Variants in PBX3 observed in about 807,000 individuals in gnomAD.
PBX3 encodes the protein PBX homeobox 3, also known as pre-B-cell leukemia transcription factor 3.
Under a neutral mutation model 48.5 loss-of-function variants are expected in PBX3, and 14 were observed. That is an observed-to-expected ratio of 0.29 (90% CI 0.19 to 0.45). The LOEUF (loss-of-function observed/expected upper bound fraction) is 0.45. Ranked by LOEUF, PBX3 falls within the 20% of genes least tolerant of loss-of-function variation. The pLI, the probability that PBX3 is intolerant of heterozygous loss-of-function variation, is 1.00. For synonymous variants in PBX3, 210 were observed against 200.3 expected, an observed-to-expected ratio of 1.05 and a Z score of -0.41; for missense variants, 386 against 546.7, an observed-to-expected ratio of 0.71 and a Z score of 2.93.
chr9:125,933,240 A>T (rs535902166), intron 4 of PBX3, among the ~76,000 whole-genome samples: 1 of 152,112 alleles, frequency 6.6e-6, no homozygotes, highest in Non-Finnish European at 1.5e-5. Context: ...TCCCTTGCTC[A>T]CTCTGACTTC....
chr9:125,755,988 A>G (rs1274890406), intron 2 of PBX3, among the ~76,000 whole-genome samples: 1 of 152,042 alleles, frequency 6.6e-6, no homozygotes, highest in Non-Finnish European at 1.5e-5. Flanking sequence ...TCAGAAGTGT[A>G]AACTTCTGTG....
At chr9:125,772,929 A>G (rs139639013) in intron 2 of PBX3, among the ~76,000 whole-genome samples, 1 of 152,298 alleles carries the variant, frequency 6.6e-6, no homozygotes, top group Non-Finnish European at 1.5e-5. Flanking sequence ...AAAGAGTGAT[A>G]TATGTGGATA....
chr9:125,837,345 G>T (rs1043179404), intron 2 of PBX3, among the ~76,000 whole-genome samples: 7 of 150,470 alleles, frequency 4.7e-5, no homozygotes, highest in African/African-American at 1.7e-4. Context: ...TACTTATTTT[G>T]TGTGTGTATA....
chr9:125,776,294 A>G (rs1837068632), intron 2 of PBX3, among the ~76,000 whole-genome samples: 1 of 151,864 alleles, frequency 6.6e-6, no homozygotes, highest in South Asian at 2.1e-4. Flanking sequence ...GAGTGTTTTT[A>G]TCATGAAAAG....
chr9:125,785,423 C>T (rs1012007503), intron 2 of PBX3, among the ~76,000 whole-genome samples: 4 of 152,186 alleles, frequency 2.6e-5, no homozygotes, highest in African/African-American at 9.7e-5. Context: ...CATCTTTCTC[C>T]CATGCTGGAT....
At chr9:125,921,677 T>G (rs1054518780) in intron 3 of PBX3, among the ~76,000 whole-genome samples, 1 of 152,178 alleles carries the variant, frequency 6.6e-6, no homozygotes, top group Non-Finnish European at 1.5e-5. Context: ...TCTAGTTGGC[T>G]TAGAATCTTT....
intron 5 of PBX3, among the ~76,000 whole-genome samples, chr9:125,942,102 A>G (rs1841969532): frequency 6.6e-6 from 1 of 152,260 alleles, no homozygotes; most frequent in Admixed American, 6.5e-5. Flanking sequence ...TAATATAAAT[A>G]ACATCACAAT....
chr9:125,860,359 C>T (rs1328465030), intron 2 of PBX3, among the ~76,000 whole-genome samples: 2 of 152,158 alleles, frequency 1.3e-5, no homozygotes, highest in Non-Finnish European at 2.9e-5. Flanking sequence ...TTAGCATGTG[C>T]CCAGAGGGAG....
At chr9:125,785,391 G>A (rs970883013) in intron 2 of PBX3, among the ~76,000 whole-genome samples, 5 of 152,170 alleles carry the variant, frequency 3.3e-5, no homozygotes, top group Admixed American at 2.0e-4. Flanking sequence ...GGGTAACCTG[G>A]CTTGCTAAAT....
Position 125,818,130 on chromosome 9 carries a change from C to T in PBX3, c.274+69507C>T, listed in dbSNP as rs560053062. ...AGAAGAATAGCTAGAACCCGGGAGG[C>T]GGAGGTTGCAGTGAGCTGAGATGGT... On this transcript the variant is annotated intron_variant, in intron 2 of 8. Coordinates refer to ENST00000373489, the MANE Select transcript of PBX3 (RefSeq NM_006195.6). Among the ~76,000 whole-genome samples the T allele has an allele frequency of 3.0e-4, 45 of 151,126 alleles. No homozygotes were observed. The South Asian group carries it at 7.8e-3, about 26-fold the overall frequency.
At chr9:125,844,745 A>G (rs1839383477) in intron 2 of PBX3, 1 of 152,180 alleles carries the variant, frequency 6.6e-6, no homozygotes, top group Non-Finnish European at 1.5e-5. Context: ...AAGAAGATCA[A>G]CACCAGCACC....
intron 2 of PBX3, among the ~76,000 whole-genome samples, chr9:125,840,439 C>G (rs936675998): frequency 1.3e-5 from 2 of 151,342 alleles, no homozygotes; most frequent in African/African-American, 4.8e-5. Context: ...TTTTTTCTGG[C>G]CTTTTCTGCT....
At chr9:125,926,995 C>CT (rs2132503718) in intron 3 of PBX3, among the ~76,000 whole-genome samples, 1 of 152,280 alleles carries the variant, frequency 6.6e-6, no homozygotes, top group Admixed American at 6.5e-5. Context: ...AAATTATAGA[C>CT]TGAGATTCTG....
At chr9:125,758,460 A>C (rs1836579831) in intron 2 of PBX3, among the ~76,000 whole-genome samples, 1 of 152,202 alleles carries the variant, frequency 6.6e-6, no homozygotes, top group African/African-American at 2.4e-5. Context: ...GAAAATTAGG[A>C]GTTCAAAGTT....
At chr9:125,854,298 A>T (rs918339990) in intron 2 of PBX3, among the ~76,000 whole-genome samples, 2 of 151,202 alleles carry the variant, frequency 1.3e-5, no homozygotes, top group African/African-American at 4.9e-5. Context: ...TGTCCAGCTG[A>T]TTTTTGTGTT....
chr9:125,866,047 A>C (rs1588236467), intron 2 of PBX3, among the ~76,000 whole-genome samples: 1 of 152,128 alleles, frequency 6.6e-6, no homozygotes. Flanking sequence ...TATTTAAAAA[A>C]CATTGAAAAG....
At chr9:125,859,808 A>T (rs1005165350) in intron 2 of PBX3, among the ~76,000 whole-genome samples, 9 of 152,220 alleles carry the variant, frequency 5.9e-5, no homozygotes, top group African/African-American at 1.4e-4. Context: ...TAATTTCTCT[A>T]TCGGTGTTTC....
At chr9:125,812,342 A>G (rs1838314857) in intron 2 of PBX3, among the ~76,000 whole-genome samples, 1 of 152,218 alleles carries the variant, frequency 6.6e-6, no homozygotes, top group South Asian at 2.1e-4. Context: ...ATGTACTCAT[A>G]CTCAGCTTTA....
intron 2 of PBX3, among the ~76,000 whole-genome samples, chr9:125,857,182 A>T (rs1839745986): frequency 1.3e-5 from 2 of 152,186 alleles, no homozygotes; most frequent in Admixed American, 6.5e-5. Context: ...TTTATAGAGA[A>T]AGTACAGGCT....
Sources: allele counts gnomAD v4.1 joint callset (sites outside exome capture counted in the v4.1 genomes callset), GRCh38; gene constraint gnomAD v4.1.1; transcripts MANE v1.5; gene names NCBI Gene and HGNC (gene_info 2026-07-23, HGNC 2026-07-21).